The following VMP1 variants were observed in gnomAD, a reference collection of about 807,000 sequenced individuals.
VMP1 encodes vacuole membrane protein 1.
A neutral mutation model predicts 56.0 loss-of-function variants in VMP1; 11 were observed. That is an observed-to-expected ratio of 0.20 (90% confidence interval 0.12 to 0.32). The LOEUF (loss-of-function observed/expected upper bound fraction) is 0.32. VMP1 is among the 10% of genes least tolerant of loss of function. VMP1 has a pLI of 1.00. For synonymous variants in VMP1, 149 were observed against 165.0 expected, an observed-to-expected ratio of 0.90 and a Z score of 0.74; for missense variants, 296 against 490.3, an observed-to-expected ratio of 0.60 and a Z score of 3.74.
intron 1 of VMP1, among the ~76,000 whole-genome samples, chr17:59,727,372 GA>G (rs542463171): frequency 1.8e-4 from 28 of 152,004 alleles, no homozygotes; most frequent in South Asian, 6.2e-4. Context: ...CTGACCTCGT[GA>G]TCTGCCCGCC....
Position 59,734,902 on chromosome 17 carries a change from CTTTTTT to C in VMP1, c.77-418_77-413del, listed in dbSNP as rs35072996. ...TCTATGCTGAGTTGGGACTGGTTGC[CTTTTTT>C]TTTTTTTTTTTTTTTTTGAGACAGA... On this transcript the variant is annotated intron_variant, in intron 2 of 11. Transcript: ENST00000262291. 5.4e-4 allele frequency among the ~76,000 whole-genome samples: 39 copies of C among 72,294 alleles called. 1 individual carries two copies. The East Asian group carries it at 0.013, about 24-fold the overall frequency. 47.4% of individuals were successfully genotyped at this position (72,294 alleles called of 152,430 possible).
intron 6 of VMP1, among the ~76,000 whole-genome samples, chr17:59,767,756 C>A (rs1598363029): frequency 6.6e-6 from 1 of 152,060 alleles, no homozygotes; most frequent in East Asian, 1.9e-4. Context: ...GGCTTTCTTC[C>A]CCAAATAATA....
chr17:59,798,026 G>A (rs1395976753), intron 7 of VMP1, among the ~76,000 whole-genome samples: 3 of 152,158 alleles, frequency 2.0e-5, no homozygotes, highest in Admixed American at 6.6e-5. Context: ...CTGGAGTTCC[G>A]GTAATGTTCT....
At chr17:59,790,580 A>G (rs890609236) in intron 7 of VMP1, among the ~76,000 whole-genome samples, 3 of 152,164 alleles carry the variant, frequency 2.0e-5, no homozygotes, top group African/African-American at 7.2e-5. Context: ...ACTTGAGGTC[A>G]GGAGTTTGAG....
intron 5 of VMP1, among the ~76,000 whole-genome samples, chr17:59,742,207 C>T (rs896778904): frequency 6.6e-6 from 1 of 151,978 alleles, no homozygotes; most frequent in Admixed American, 6.6e-5. Flanking sequence ...CAAAACAAAA[C>T]AAAACAAAAA....
At chr17:59,717,312 T>C (rs2034200880) in intron 1 of VMP1, among the ~76,000 whole-genome samples, 1 of 152,184 alleles carries the variant, frequency 6.6e-6, no homozygotes, top group African/African-American at 2.4e-5. Context: ...TAAGATTGCA[T>C]TGGTTATGAA....
At chr17:59,730,946 A>C (rs755049406) in intron 1 of VMP1, among the ~76,000 whole-genome samples, 44 of 152,050 alleles carry the variant, frequency 2.9e-4, no homozygotes, top group Non-Finnish European at 1.2e-4. Context: ...CATCTTTTGT[A>C]GTATATTCTA....
At chr17:59,712,837 C>A (rs1387791120) in intron 1 of VMP1, among the ~76,000 whole-genome samples, 1 of 152,060 alleles carries the variant, frequency 6.6e-6, no homozygotes, top group African/African-American at 2.4e-5. Context: ...ATAAGAAGTT[C>A]ATTGTTGTTC....
In VMP1 at chr17:59,821,589, A is replaced by G. The variant is rs1242733758; in HGVS notation, c.974+3816A>G. 2.3e-5 allele frequency among the ~76,000 whole-genome samples: 3 copies of G among 127,838 alleles called. No individual in the cohort carries two copies. The South Asian group carries it at 7.2e-4, about 31-fold the overall frequency. 83.9% of individuals were successfully genotyped at this position (127,838 alleles called of 152,430 possible). A position where few individuals can be genotyped will look rare whatever the true frequency, so the allele number is the denominator to read the frequency against. On this transcript the variant is annotated intron_variant, in intron 10 of 11. Coordinates refer to ENST00000262291, the MANE Select transcript of VMP1 (RefSeq NM_030938.5). The stretch of plus-strand genomic sequence containing the variant: ...AGGCGGAGTTTCACTCTCGTTGCCC[A>G]GGCTGGAGTGCAATGGTGCGATCTC...
At chr17:59,712,839 T>C (rs1451074799) in intron 1 of VMP1, among the ~76,000 whole-genome samples, 1 of 152,124 alleles carries the variant, frequency 6.6e-6, no homozygotes, top group African/African-American at 2.4e-5. Context: ...AAGAAGTTCA[T>C]TGTTGTTCAT....
chr17:59,751,783 T>C (rs1301966903), intron 5 of VMP1, among the ~76,000 whole-genome samples: 1 of 148,936 alleles, frequency 6.7e-6, no homozygotes, highest in Non-Finnish European at 1.5e-5. Context: ...AACCTAGGGC[T>C]ACAGAGCATA....
chr17:59,742,609 A>G (rs1380836122), intron 5 of VMP1, among the ~76,000 whole-genome samples: 2 of 151,820 alleles, frequency 1.3e-5, no homozygotes, highest in Non-Finnish European at 2.9e-5. Context: ...AGCAGAAAAG[A>G]CAGAGGATTC....
chr17:59,791,656 G>A (rs1267934476), intron 7 of VMP1, among the ~76,000 whole-genome samples: 1 of 151,438 alleles, frequency 6.6e-6, no homozygotes, highest in African/African-American at 2.4e-5. Flanking sequence ...TAGAGACAGG[G>A]TTTCACCATG....
At chr17:59,774,847 C>G (rs2144040560) in intron 7 of VMP1, among the ~76,000 whole-genome samples, 1 of 152,176 alleles carries the variant, frequency 6.6e-6, no homozygotes, top group East Asian at 1.9e-4. Context: ...GCCTGTAATC[C>G]CAGCACTTTG....
At chr17:59,809,152 C>T (rs2037954444) in intron 8 of VMP1, among the ~76,000 whole-genome samples, 1 of 150,440 alleles carries the variant, frequency 6.6e-6, no homozygotes, top group Admixed American at 6.6e-5. Context: ...GGCATGCACC[C>T]CCACGCCTGG....
Position 59,811,720 on chromosome 17 carries a change from G to T in VMP1, c.846G>T (p.Leu282=). The T allele has an allele frequency of 6.2e-7, 1 of 1,613,770 alleles. No individual in the cohort carries two copies. The highest frequency in any genetic ancestry group is 1.3e-5 in the African/African-American group (1 of 74,970). Residue 282 remains leucine (L), a synonymous_variant, in exon 9 of 12, where the codon CTG becomes CTT. Coordinates refer to ENST00000262291, the MANE Select transcript of VMP1 (RefSeq NM_030938.5). The part of the protein sequence containing the change: ...DLAGITCGHF[L]VPFWTFFGAT... ...CTGGAATAACGTGTGGACACTTTCT[G>T]GTACCTTTTTGGACCTTCTTTGGTG...
intron 2 of VMP1, among the ~76,000 whole-genome samples, chr17:59,733,997 C>T (rs2034927762): frequency 6.6e-6 from 1 of 152,140 alleles, no homozygotes; most frequent in African/African-American, 2.4e-5. Context: ...CGATCTAAAC[C>T]ACTTTGTTCT....
At chr17:59,783,485 C>T (rs1459070918) in intron 7 of VMP1, among the ~76,000 whole-genome samples, 2 of 152,026 alleles carry the variant, frequency 1.3e-5, no homozygotes, top group Admixed American at 6.6e-5. Context: ...TTCCTCTGAC[C>T]TTGAGCAATT....
chr17:59,730,932 G>A (rs1449717929), intron 1 of VMP1, among the ~76,000 whole-genome samples: 1 of 151,530 alleles, frequency 6.6e-6, no homozygotes, highest in East Asian at 1.9e-4. Flanking sequence ...ATCAACAGTT[G>A]CAGCATCTTT....
Sources: allele counts gnomAD v4.1 joint callset (sites outside exome capture counted in the v4.1 genomes callset), GRCh38; gene constraint gnomAD v4.1.1; transcripts MANE v1.5; gene names NCBI Gene and HGNC (gene_info 2026-07-23, HGNC 2026-07-21).